The following ANGPT4 variants were observed in gnomAD, a reference collection of about 807,000 sequenced individuals.
ANGPT4 encodes angiopoietin 4, also known as angiopoietin-4.
Under a neutral mutation model 53.0 loss-of-function variants are expected in ANGPT4, and 50 were observed. That is an observed-to-expected ratio of 0.94 (90% CI 0.75 to 1.20). ANGPT4 has a LOEUF of 1.20. ANGPT4 is among the 50% of genes most tolerant of loss of function. The pLI, the probability that ANGPT4 is intolerant of heterozygous loss-of-function variation, is 0.00. For synonymous variants in ANGPT4, 251 were observed against 259.7 expected, an observed-to-expected ratio of 0.97 and a Z score of 0.32; for missense variants, 648 against 637.1, an observed-to-expected ratio of 1.02 and a Z score of -0.18.
chr20:873,652 CTG>C (rs1436693535), intron 8 of ANGPT4, among the ~76,000 whole-genome samples: 1 of 152,040 alleles, frequency 6.6e-6, no homozygotes, highest in Non-Finnish European at 1.5e-5. Context: ...CTTTCACATG[CTG>C]TGTTTGTCTC....
At chr20:879,515 A>T (rs1330958234) in intron 6 of ANGPT4, among the ~76,000 whole-genome samples, 1 of 152,088 alleles carries the variant, frequency 6.6e-6, no homozygotes, top group African/African-American at 2.4e-5. Flanking sequence ...TTTAAAAAAA[A>T]TTAAAACAAA....
intron 1 of ANGPT4, among the ~76,000 whole-genome samples, chr20:899,500 G>A (rs766512386): frequency 1.1e-4 from 17 of 151,830 alleles, no homozygotes; most frequent in Non-Finnish European, 1.6e-4. Context: ...TGATTTGCCC[G>A]CCTCGGCCTC....
At chr20:874,527 G>A in intron 7 of ANGPT4, 113 bp from the exon 8 acceptor site, 2 of 1,414,626 alleles carry the variant, frequency 1.4e-6, no homozygotes. Flanking sequence ...CCCTCCAGGT[G>A]TTCTTGGAGG....
At chr20:913,286 TCACAGC>T (rs1982776827) in intron 1 of ANGPT4, among the ~76,000 whole-genome samples, 1 of 151,954 alleles carries the variant, frequency 6.6e-6, no homozygotes, top group Non-Finnish European at 1.5e-5. Flanking sequence ...CAGAGGAAGG[TCACAGC>T]CACAGCCACA....
chr20:873,008 G>T lies in ANGPT4; in HGVS notation c.1464C>A (p.Ser488Arg), dbSNP rs769116790. ...GIRWHYFKGP[S>R]YSLRASRMMI... The stretch of plus-strand genomic sequence containing the variant: ...TCATGCGAGAGGCACGCAGTGAGTA[G>T]CTGGGGCCCTTGAAGTAGTGCCAGC... Residue 488 changes from serine to arginine, a missense_variant, in exon 9 of 9, where the codon AGC (serine) becomes AGA (arginine). By Grantham distance (110) the Ser-to-Arg change is moderately radical. Transcript: ENST00000381922. The T allele has an allele frequency of 6.2e-7, 1 of 1,614,168 alleles. No individual in the cohort carries two copies. The highest frequency in any genetic ancestry group is 8.5e-7 in the Non-Finnish European group (1 of 1,180,034).
chr20:903,328 C>T (rs1336840126), intron 1 of ANGPT4, among the ~76,000 whole-genome samples: 5 of 152,198 alleles, frequency 3.3e-5, no homozygotes, highest in African/African-American at 1.2e-4. Context: ...GTCTCTCTCA[C>T]ATCCTGCATC....
intron 1 of ANGPT4, among the ~76,000 whole-genome samples, chr20:902,739 C>T (rs6055732): frequency 0.035 from 5,262 of 152,012 alleles, 315 homozygotes; most frequent in African/African-American, 0.12. Context: ...AGAGGGTCAC[C>T]GGATGCCAAA....
rs1982566700 is a variant in ANGPT4, at chr20:908,430, C to T, written c.309+7476G>A. Among the ~76,000 whole-genome samples, 1 of 152,196 alleles carries T rather than the reference C, an allele frequency of 6.6e-6. No individual in the cohort carries two copies. Among genetic ancestry groups the T allele is most frequent in the Non-Finnish European group, 1.5e-5 (1 of 68,032 alleles). ...CTTTCCCTGTCTCGCCACTGCCAAC[C>T]CAGCCTTTAGATCTCAGCTCTGTCC... is the stretch of plus-strand genomic sequence containing the variant. On this transcript the variant is annotated intron_variant, in intron 1 of 8. Coordinates refer to ENST00000381922, the MANE Select transcript of ANGPT4 (RefSeq NM_015985.4). The surrounding 1 kb of genome is among the most constrained non-coding windows in gnomAD (Gnocchi z 4.9).
intron 8 of ANGPT4, 141 bp downstream of exon 8, chr20:874,143 T>G: frequency 2.4e-6 from 3 of 1,273,256 alleles, no homozygotes; most frequent in Non-Finnish European, 3.3e-6. Context: ...CACAGCCAGG[T>G]GAGCTTATGG....
intron 7 of ANGPT4, among the ~76,000 whole-genome samples, chr20:875,132 T>C (rs1474500922): frequency 6.6e-6 from 1 of 152,224 alleles, no homozygotes; most frequent in East Asian, 1.9e-4. Context: ...ATTTCCATTT[T>C]ACACATGCGA....
At chr20:886,167 C>A (rs1239773052) in intron 3 of ANGPT4, among the ~76,000 whole-genome samples, 1 of 152,112 alleles carries the variant, frequency 6.6e-6, no homozygotes, top group Non-Finnish European at 1.5e-5. Context: ...CAAAAGAAAG[C>A]CTTAGACTCA....
chr20:885,617 T>C (rs1427963351), intron 3 of ANGPT4, among the ~76,000 whole-genome samples: 1 of 152,220 alleles, frequency 6.6e-6, no homozygotes, highest in East Asian at 1.9e-4. Context: ...AGCAGTCTAC[T>C]CTCAGGAGTT....
intron 2 of ANGPT4, among the ~76,000 whole-genome samples, chr20:889,363 T>C (rs777462461): frequency 3.9e-5 from 6 of 152,216 alleles, no homozygotes; most frequent in Non-Finnish European, 8.8e-5. Flanking sequence ...CAAATCTAGA[T>C]GGTATAGCCG....
intron 1 of ANGPT4, among the ~76,000 whole-genome samples, chr20:915,275 C>T (rs536790332): frequency 3.0e-4 from 46 of 152,172 alleles, no homozygotes; most frequent in African/African-American, 1.1e-3. Flanking sequence ...CAGACCTCCC[C>T]GCACCCTTGC....
At position 872,883 on chromosome 20, in the gene ANGPT4, G is replaced by C. The variant is rs1980998787; in HGVS notation, c.*77C>G. 6.4e-7 allele frequency: 1 copy of C among 1,565,690 alleles called. No homozygotes were observed. The highest frequency in any genetic ancestry group is 8.7e-7 in the Non-Finnish European group (1 of 1,148,306). ...AGGGAAGGCGGTGGCACAGTGTCTT[G>C]CATCTGGGTCCAGGTTGTCCAGGAG... On this transcript the variant is annotated 3_prime_UTR_variant, in exon 9 of 9. Transcript: ENST00000381922.
rs556299516 is a variant in ANGPT4, at chr20:889,527, A to C, written c.465+686T>G. ...ACAGAAAAGGTACAATAAAAACAGC[A>C]TACGATACTCTTATGGGACTGCTGT... On this transcript the variant is annotated intron_variant, in intron 2 of 8. Coordinates refer to ENST00000381922, the MANE Select transcript of ANGPT4 (RefSeq NM_015985.4). 1.2e-3 allele frequency among the ~76,000 whole-genome samples: 187 copies of C among 152,320 alleles called. 1 individual carries two copies. The Middle Eastern group carries it at 0.037, about 30-fold the overall frequency.
chr20:884,453 T>A (rs1193594891), intron 4 of ANGPT4, among the ~76,000 whole-genome samples: 1 of 152,154 alleles, frequency 6.6e-6, no homozygotes, highest in Non-Finnish European at 1.5e-5. Context: ...GCTTAGTAAA[T>A]GTTTGTTGAC....
At position 912,780 on chromosome 20, in the gene ANGPT4, A is replaced by C. The variant is rs1982756269; in HGVS notation, c.309+3126T>G. 2.0e-5 allele frequency among the ~76,000 whole-genome samples: 3 copies of C among 151,808 alleles called. No homozygotes were observed. In the South Asian group the frequency reaches 6.2e-4, roughly 31 times the overall value. On this transcript the variant is annotated intron_variant, in intron 1 of 8. Transcript: ENST00000381922. ...CACAGCAAGCTGTATGCTAGGAAAG[A>C]GTGCGTATCTGGGGACTTGGAAACT... is the stretch of plus-strand genomic sequence containing the variant.
At chr20:913,191 A>G (rs910855507) in intron 1 of ANGPT4, among the ~76,000 whole-genome samples, 3 of 152,024 alleles carry the variant, frequency 2.0e-5, no homozygotes, top group Non-Finnish European at 4.4e-5. Flanking sequence ...CTCTTTTTTT[A>G]ACTTTTCTGA....
Sources: allele counts gnomAD v4.1 joint callset (sites outside exome capture counted in the v4.1 genomes callset), GRCh38; gene constraint gnomAD v4.1.1; non-coding constraint Gnocchi (gnomAD v3.1); transcripts MANE v1.5; gene names NCBI Gene and HGNC (gene_info 2026-07-23, HGNC 2026-07-21).